NDE1: variants seen among roughly 807,000 people sequenced by gnomAD.
NDE1 encodes nudE neurodevelopment protein 1, also known as nuclear distribution protein nudE homolog 1.
Under a neutral mutation model 43.4 loss-of-function variants are expected in NDE1, and 28 were observed. The observed-to-expected ratio is 0.65, with a 90% CI of 0.48 to 0.89. The LOEUF is 0.89. Among genes scored for constraint, NDE1 ranks in the 40% least tolerant of loss-of-function variants. NDE1 has a pLI of 0.00. For synonymous variants in NDE1, 184 were observed against 172.0 expected, an observed-to-expected ratio of 1.07 and a Z score of -0.55; for missense variants, 441 against 434.1, an observed-to-expected ratio of 1.02 and a Z score of -0.14.
At chr16:15,702,212 C>T (rs887275177) in intron 8 of NDE1, 4 of 152,174 alleles carry the variant, frequency 2.6e-5, no homozygotes, top group Admixed American at 2.0e-4. Flanking sequence ...TGAACAGAGC[C>T]TTTGCAGGCA....
In NDE1 at chr16:15,717,234, T is replaced by G. The variant is rs200026099; in HGVS notation, c.948-6957T>G. 5 of 1,614,164 alleles carry G rather than the reference T, an allele frequency of 3.1e-6. No individual in the cohort carries two copies. The African/African-American group carries it at 5.3e-5, about 17-fold the overall frequency. On this transcript the variant is annotated intron_variant, in intron 8 of 8. Coordinates refer to ENST00000396354, the MANE Select transcript of NDE1 (RefSeq NM_017668.3). Reference sequence around the variant, plus strand: ...AACTTGGACTTGACGGCCCCCTCCATCTCGTGGAGCTTGCTCCGGAGCTCC... The same window carrying G: ...AACTTGGACTTGACGGCCCCCTCCAGCTCGTGGAGCTTGCTCCGGAGCTCC...
At chr16:15,693,570 G>A (rs2038858352) in intron 6 of NDE1, among the ~76,000 whole-genome samples, 1 of 152,168 alleles carries the variant, frequency 6.6e-6, no homozygotes, top group Non-Finnish European at 1.5e-5. Flanking sequence ...GGCGGCCAAG[G>A]TGGGAGGATC....
intron 8 of NDE1, chr16:15,713,935 G>A (rs773111665): frequency 3.3e-5 from 5 of 152,490 alleles, no homozygotes; most frequent in East Asian, 1.9e-4. Flanking sequence ...TGAAGACCCC[G>A]TTGGGGACAG....
At chr16:15,674,885 T>G (rs2037787484) in intron 3 of NDE1, among the ~76,000 whole-genome samples, 1 of 152,090 alleles carries the variant, frequency 6.6e-6, no homozygotes, top group Non-Finnish European at 1.5e-5. Context: ...TTTTATTTTT[T>G]GTAGAGACTG....
intron 1 of NDE1, among the ~76,000 whole-genome samples, chr16:15,653,461 C>A (rs1472270294): frequency 6.6e-6 from 1 of 152,128 alleles, no homozygotes. Flanking sequence ...CAGCTTCTTT[C>A]TCTTCCCTCC....
chr16:15,720,692 C>T, intron 8 of NDE1: 1 of 894,672 alleles, frequency 1.1e-6, no homozygotes, highest in Non-Finnish European at 1.8e-6. Flanking sequence ...GAGATTACGC[C>T]ACTGCACTCC....
In NDE1 at chr16:15,686,443, G is replaced by A. The variant is rs2151098846; in HGVS notation, c.387-932G>A. On this transcript the variant is annotated intron_variant, in intron 4 of 8. Coordinates refer to ENST00000396354, the MANE Select transcript of NDE1 (RefSeq NM_017668.3). ...TATGCCCTTCACAAGAAGGGGTTGT[G>A]AGCAGGGCAGCTGGGCTGGTACTGG... 5.1e-6 allele frequency: 5 copies of A among 985,420 alleles called. No homozygotes were observed. In the Middle Eastern group the frequency reaches 2.1e-3, roughly 412 times the overall value. 61.0% of individuals were successfully genotyped at this position (985,420 alleles called of 1,614,324 possible).
At chr16:15,665,058 GC>G (rs1483480132) in intron 2 of NDE1, among the ~76,000 whole-genome samples, 197 bp downstream of exon 2, 1 of 151,122 alleles carries the variant, frequency 6.6e-6, no homozygotes, top group Non-Finnish European at 1.5e-5. Flanking sequence ...ATCAGGCCAG[GC>G]TTTTTTTTTT....
chr16:15,676,708 G>T (rs1447643707), intron 3 of NDE1, among the ~76,000 whole-genome samples: 3 of 152,084 alleles, frequency 2.0e-5, no homozygotes, highest in Non-Finnish European at 4.4e-5. Flanking sequence ...GAGTTGCCCA[G>T]GCCGGAGTGC....
At chr16:15,699,952 C>A (rs1050524920) in intron 8 of NDE1, 4 of 1,211,326 alleles carry the variant, frequency 3.3e-6, no homozygotes, top group Non-Finnish European at 4.2e-6. Flanking sequence ...GTTAGCTTTG[C>A]GGCCCAAGCC....
At position 15,711,307 on chromosome 16, in the gene NDE1, C is replaced by CT. The variant is rs1282842070; in HGVS notation, c.948-12879dup. 6.6e-5 allele frequency: 10 copies of CT among 152,278 alleles called. 1 individual carries two copies. In the South Asian group the frequency reaches 2.1e-3, roughly 32 times the overall value. The allele number at this position is 152,278 out of a possible 1,614,324, so 9.4% of individuals were successfully genotyped here. A position where few individuals can be genotyped will look rare whatever the true frequency, so the allele number is the denominator to read the frequency against. On this transcript the variant is annotated intron_variant, in intron 8 of 8. Transcript: ENST00000396354. Reference sequence around the variant, plus strand: ...TGAGAAAGTCATTTCCTTTCCAACTCTTTTTAAACAAGTCTAATTATGATG... The same window carrying CT: ...TGAGAAAGTCATTTCCTTTCCAACTCTTTTTTAAACAAGTCTAATTATGATG...
chr16:15,664,603 C>CCT (rs975343992), intron 1 of NDE1, 133 bp from the exon 2 acceptor site: 2 of 626,022 alleles, frequency 3.2e-6, no homozygotes, highest in African/African-American at 1.8e-5. Context: ...GATCCGCCCG[C>CCT]CTCAGCCTCC....
At chr16:15,685,547 G>A (rs905487444) in intron 4 of NDE1, among the ~76,000 whole-genome samples, 1 of 152,104 alleles carries the variant, frequency 6.6e-6, no homozygotes, top group Non-Finnish European at 1.5e-5. Flanking sequence ...CACTGTGCTT[G>A]TCCCTTTGTT....
In NDE1 at chr16:15,725,050, G is replaced by T; in HGVS notation, c.*799G>T. 6.7e-7 allele frequency: 1 copy of T among 1,483,856 alleles called. No individual in the cohort carries two copies. The allele number at this position is 1,483,856 out of a possible 1,614,324, so 91.9% of individuals were successfully genotyped here. Reference sequence around the variant, plus strand: ...CTCTAGAAGGGGATCCTCGTTGAAAGGAGCCCTTTTTACTCAAAACACATG... The same window carrying T: ...CTCTAGAAGGGGATCCTCGTTGAAATGAGCCCTTTTTACTCAAAACACATG... On this transcript the variant is annotated 3_prime_UTR_variant, in exon 9 of 9. Coordinates refer to ENST00000396354, the MANE Select transcript of NDE1 (RefSeq NM_017668.3).
chr16:15,677,354 C>T (rs541425613), intron 3 of NDE1, among the ~76,000 whole-genome samples: 5 of 152,084 alleles, frequency 3.3e-5, no homozygotes, highest in African/African-American at 4.8e-5. Flanking sequence ...GAGGCCGAGG[C>T]GTGCAGATCA....
At chr16:15,649,632 G>A (rs1414382379), upstream of NDE1, among the ~76,000 whole-genome samples, 1 of 152,146 alleles carries the variant, frequency 6.6e-6, no homozygotes, top group Non-Finnish European at 1.5e-5. Context: ...CCATAATGGC[G>A]TTTTATAGAT....
chr16:15,669,905 T>C (rs1412607876), intron 3 of NDE1, among the ~76,000 whole-genome samples: 1 of 152,172 alleles, frequency 6.6e-6, no homozygotes, highest in African/African-American at 2.4e-5. Flanking sequence ...CATAGCCAGG[T>C]ATCTGGAGAC....
intron 8 of NDE1, among the ~76,000 whole-genome samples, chr16:15,710,063 C>T (rs1596679122): frequency 1.3e-5 from 2 of 152,208 alleles, no homozygotes; most frequent in African/African-American, 4.8e-5. Flanking sequence ...TGTTTTTGTG[C>T]ACCCAAAAGA....
Position 15,720,171 on chromosome 16 carries a change from T to G in NDE1, c.948-4020T>G, listed in dbSNP as rs375607145. On this transcript the variant is annotated intron_variant, in intron 8 of 8. Coordinates refer to ENST00000396354, the MANE Select transcript of NDE1 (RefSeq NM_017668.3). ...CCCACCTGCAGTTTGCGTAGCTGCT[T>G]GATGGCTTCCTCCCTCCCCTTGATG... 5 of 1,614,002 alleles carry G rather than the reference T, an allele frequency of 3.1e-6. No homozygotes were observed. In the African/African-American group the frequency reaches 5.3e-5, roughly 17 times the overall value.
Sources: allele counts gnomAD v4.1 joint callset (sites outside exome capture counted in the v4.1 genomes callset), GRCh38; gene constraint gnomAD v4.1.1; transcripts MANE v1.5; gene names NCBI Gene and HGNC (gene_info 2026-07-23, HGNC 2026-07-21).